DAAM1: variants seen among roughly 807,000 people sequenced by gnomAD.
DAAM1 encodes dishevelled associated activator of morphogenesis 1, also known as disheveled-associated activator of morphogenesis 1.
Under a neutral mutation model 130.0 loss-of-function variants are expected in DAAM1, and 52 were observed. That is an observed-to-expected ratio of 0.40 (90% CI 0.32 to 0.50). The LOEUF is 0.50. Among genes scored for constraint, DAAM1 ranks in the 20% least tolerant of loss-of-function variants. DAAM1 has a pLI of 0.61. For missense variants in DAAM1, 1,134 were observed against 1,303.8 expected, an observed-to-expected ratio of 0.87 and a Z score of 2.01; for synonymous variants, 452 against 444.5, an observed-to-expected ratio of 1.02 and a Z score of -0.21.
intron 1 of DAAM1, among the ~76,000 whole-genome samples, chr14:59,192,064 G>T (rs966939294): frequency 1.3e-4 from 19 of 151,956 alleles, no homozygotes; most frequent in Non-Finnish European, 2.4e-4. Flanking sequence ...ATCCTTGGGT[G>T]GTGCTTACAG....
At chr14:59,302,340 C>T (rs1219757799) in intron 3 of DAAM1, among the ~76,000 whole-genome samples, 2 of 152,158 alleles carry the variant, frequency 1.3e-5, no homozygotes, top group African/African-American at 4.8e-5. Context: ...TAGCAATATA[C>T]AGCTGAGAAA....
In DAAM1 at chr14:59,370,649, A is replaced by T. The variant is rs1053784092; in HGVS notation, c.*1790A>T. Reference sequence around the variant, plus strand: ...ACTATATGGAAATAAATGACTAGCAAATAAAACAGTCATAAATACAAAGCA... The same window carrying T: ...ACTATATGGAAATAAATGACTAGCATATAAAACAGTCATAAATACAAAGCA... On this transcript the variant is annotated 3_prime_UTR_variant, in exon 25 of 25. Coordinates refer to ENST00000360909, the MANE Select transcript of DAAM1 (RefSeq NM_001270520.2). The T allele has an allele frequency of 2.0e-5, 3 of 152,152 alleles. No homozygotes were observed. Among genetic ancestry groups the T allele is most frequent in the African/African-American group, 7.2e-5 (3 of 41,446 alleles). The allele number at this position is 152,152 out of a possible 1,614,324, so 9.4% of individuals were successfully genotyped here. A position where few individuals can be genotyped will look rare whatever the true frequency, so the allele number is the denominator to read the frequency against.
intron 24 of DAAM1, among the ~76,000 whole-genome samples, chr14:59,368,419 T>C (rs968461294): frequency 2.0e-5 from 3 of 152,160 alleles, no homozygotes; most frequent in African/African-American, 7.2e-5. Flanking sequence ...ACCTAGAATC[T>C]AGGTGGTGAG....
intron 19 of DAAM1, among the ~76,000 whole-genome samples, chr14:59,354,389 A>C (rs1189986895): frequency 6.6e-6 from 1 of 152,108 alleles, no homozygotes; most frequent in Admixed American, 6.5e-5. Context: ...TTTTTGGCTC[A>C]AGGTCTTTCT....
chr14:59,347,688 G>C, intron 17 of DAAM1, 65 bp downstream of exon 17: 2 of 1,472,426 alleles, frequency 1.4e-6, no homozygotes, highest in Non-Finnish European at 1.9e-6. Flanking sequence ...GAGGGATGTT[G>C]AGAACATCCG....
rs554532396 is a variant in DAAM1 at position 59,213,085 on chromosome 14, T to C, written c.-38+24317T>C. Among the ~76,000 whole-genome samples, 4 of 152,138 alleles carry C rather than the reference T, an allele frequency of 2.6e-5. No individual in the cohort carries two copies. The South Asian group carries it at 8.3e-4, about 32-fold the overall frequency. On this transcript the variant is annotated intron_variant, in intron 1 of 24. Transcript: ENST00000360909. Reference sequence around the variant, plus strand: ...GTAGGGATTAGAAATCGTTAGTCTTTCCATTTTGTCTTCTGTGGTTTCAGT... The same window carrying C: ...GTAGGGATTAGAAATCGTTAGTCTTCCCATTTTGTCTTCTGTGGTTTCAGT...
intron 1 of DAAM1, among the ~76,000 whole-genome samples, chr14:59,238,727 C>T (rs548687675): frequency 2.6e-5 from 4 of 152,278 alleles, no homozygotes; most frequent in African/African-American, 7.2e-5. Context: ...TGTAACTGAC[C>T]TAATGAAACA....
In DAAM1 at chr14:59,350,512, C is replaced by T. The variant is rs148711225; in HGVS notation, c.2161-2014C>T. Among the ~76,000 whole-genome samples the T allele has an allele frequency of 7.1e-3, 1,073 of 152,160 alleles. 4 individuals carry two copies. The highest frequency in any genetic ancestry group is 0.012 in the Non-Finnish European group (785 of 67,990). Reference sequence around the variant, plus strand: ...TGCACATGCCCCTCTCAAGACTCCACATCCCCATCTAGCTACTGTCTTCTC... The same window carrying T: ...TGCACATGCCCCTCTCAAGACTCCATATCCCCATCTAGCTACTGTCTTCTC... On this transcript the variant is annotated intron_variant, in intron 17 of 24. Coordinates refer to ENST00000360909, the MANE Select transcript of DAAM1 (RefSeq NM_001270520.2).
At chr14:59,228,457 G>A (rs1889009046) in intron 1 of DAAM1, among the ~76,000 whole-genome samples, 1 of 152,138 alleles carries the variant, frequency 6.6e-6, no homozygotes, top group African/African-American at 2.4e-5. Flanking sequence ...TTTTACTATT[G>A]GTTGAAAATG....
In DAAM1 at chr14:59,322,985, T is replaced by G; in HGVS notation, c.534T>G (p.His178Gln). The change falls in exon 6 of 25, where the codon CAT (histidine) becomes CAG (glutamine). Residue 178 changes from histidine (H) to glutamine (Q), a missense_variant. His to Gln is a conservative substitution (Grantham distance 24). Around this residue, in one of 3 missense-constraint regions of DAAM1, gnomAD observed 391 missense variants for 521.6 expected, o/e 0.75. Coordinates refer to ENST00000360909, the MANE Select transcript of DAAM1 (RefSeq NM_001270520.2). ...MDYETSESRI[H>Q]TSLIGCIKAL... The stretch of plus-strand genomic sequence containing the variant: ...ACGAGACCTCAGAGTCTCGAATACA[T>G]ACTTCTCTCATTGGCTGTATAAAGG... 6.2e-7 allele frequency: 1 copy of G among 1,614,162 alleles called. No homozygotes were observed. The highest frequency in any genetic ancestry group is 8.5e-7 in the Non-Finnish European group (1 of 1,180,014).
At position 59,360,581 on chromosome 14, in the gene DAAM1, T is replaced by C. The variant is rs544240811; in HGVS notation, c.2634-221T>C. ...ATATTTCTATTCTATTTTTAACCTGTAAAATATACCTGCTGGCTACAGAAA... is the reference window on the plus strand; with the variant it reads ...ATATTTCTATTCTATTTTTAACCTGCAAAATATACCTGCTGGCTACAGAAA... On this transcript the variant is annotated intron_variant, in intron 21 of 24. Transcript: ENST00000360909. 3.3e-4 allele frequency: 118 copies of C among 362,652 alleles called. 1 individual carries two copies. In the East Asian group the frequency reaches 4.9e-3, roughly 15 times the overall value. The allele number at this position is 362,652 out of a possible 1,614,324, so 22.5% of individuals were successfully genotyped here.
intron 1 of DAAM1, among the ~76,000 whole-genome samples, chr14:59,207,694 C>T (rs1353419777): frequency 6.6e-6 from 1 of 152,166 alleles, no homozygotes; most frequent in Non-Finnish European, 1.5e-5. Flanking sequence ...ACTGAAAAGT[C>T]CTCTGGCTCT....
chr14:59,266,153 G>A (rs538081276), intron 2 of DAAM1: 1 of 150,942 alleles, frequency 6.6e-6, no homozygotes, highest in African/African-American at 2.4e-5. Flanking sequence ...TCAAGTTGGT[G>A]TTTGGATTAA....
At chr14:59,312,174 C>G (rs75367999) in intron 3 of DAAM1, among the ~76,000 whole-genome samples, 1,614 of 152,218 alleles carry the variant, frequency 0.011, 17 homozygotes, top group African/African-American at 0.036. Flanking sequence ...ACAATTACTA[C>G]CAAAATTTAC....
chr14:59,243,228 G>A (rs1486146678), intron 1 of DAAM1, among the ~76,000 whole-genome samples: 3 of 152,174 alleles, frequency 2.0e-5, no homozygotes, highest in Admixed American at 6.5e-5. Context: ...TGTATTTACC[G>A]ACAGATCAGC....
chr14:59,219,275 A>G (rs1208611546), intron 1 of DAAM1, among the ~76,000 whole-genome samples: 1 of 152,080 alleles, frequency 6.6e-6, no homozygotes, highest in Non-Finnish European at 1.5e-5. Flanking sequence ...ATCCTCAGAA[A>G]CTTTGTAGGT....
chr14:59,235,892 C>T (rs926922117), intron 1 of DAAM1, among the ~76,000 whole-genome samples: 2 of 152,124 alleles, frequency 1.3e-5, no homozygotes, highest in African/African-American at 2.4e-5. Context: ...TATGGTGGAA[C>T]ACGCATGCAG....
At chr14:59,194,239 G>A (rs1374701857) in intron 1 of DAAM1, among the ~76,000 whole-genome samples, 1 of 152,154 alleles carries the variant, frequency 6.6e-6, no homozygotes, top group African/African-American at 2.4e-5. Flanking sequence ...ACAGTGCTGG[G>A]TCAGTAAGTC....
chr14:59,284,215 A>C (rs1264340842), intron 2 of DAAM1, among the ~76,000 whole-genome samples: 2 of 152,154 alleles, frequency 1.3e-5, no homozygotes, highest in Non-Finnish European at 2.9e-5. Flanking sequence ...AGGAGAGGTT[A>C]TTAGGACATA....
Sources: gnomAD v4.1 joint callset for allele counts (sites outside exome capture counted in the v4.1 genomes callset) on GRCh38, gnomAD v4.1.1 for gene constraint, gnomAD v4.1.1 regional missense constraint, MANE v1.5 for transcripts, NCBI Gene and HGNC (gene_info 2026-07-23, HGNC 2026-07-21) for gene names.